The following DUSP22 variants were observed in gnomAD, a reference collection of about 807,000 sequenced individuals.
DUSP22 encodes the protein dual specificity protein phosphatase 22.
A neutral mutation model predicts 24.5 loss-of-function variants in DUSP22; 24 were observed. The observed-to-expected ratio is 0.98, with a 90% confidence interval of 0.71 to 1.38. The LOEUF (loss-of-function observed/expected upper bound fraction) is 1.38, where lower values mean the gene tolerates loss of function less well. DUSP22 is among the 40% of genes most tolerant of loss of function. The probability of loss-of-function intolerance (pLI) is 0.00; values close to 1 mark genes in which losing one functional copy is unlikely to be tolerated. For synonymous variants in DUSP22, 160 were observed against 106.4 expected, an observed-to-expected ratio of 1.50 and a Z score of -3.10; for missense variants, 330 against 269.2, an observed-to-expected ratio of 1.23 and a Z score of -1.58.
intron 5 of DUSP22, 58 bp from the exon 6 acceptor site, chr6:348,045 G>A (rs1759966383): frequency 1.9e-6 from 3 of 1,602,136 alleles, no homozygotes; most frequent in South Asian, 1.1e-5. Context: ...CATGGATTGG[G>A]CGATGAACCC....
chr6:307,107 C>G (rs1202794084), intron 2 of DUSP22, among the ~76,000 whole-genome samples: 1 of 152,418 alleles, frequency 6.6e-6, no homozygotes, highest in South Asian at 2.1e-4. Context: ...TTTCTTTTTT[C>G]CTGGGCGGTG....
At chr6:334,967 TGCAGTTCCTTG>T (rs1759297183) in intron 3 of DUSP22, 136 bp from the exon 4 acceptor site, 1 of 940,426 alleles carries the variant, frequency 1.1e-6, no homozygotes, top group Non-Finnish European at 1.6e-6. Flanking sequence ...TTAGTTTTTC[TGCAGTTCCTTG>T]GCAACAAAAG....
At chr6:341,240 T>C (rs1176282344) in intron 4 of DUSP22, among the ~76,000 whole-genome samples, 1 of 152,302 alleles carries the variant, frequency 6.6e-6, no homozygotes, top group Non-Finnish European at 1.5e-5. Context: ...CTGAGCCTAT[T>C]CCACACGGCT....
chr6:327,647 G>A (rs1390211798), intron 3 of DUSP22, among the ~76,000 whole-genome samples: 2 of 152,310 alleles, frequency 1.3e-5, no homozygotes, highest in South Asian at 2.1e-4. Context: ...TGTGCTGCTG[G>A]TGGTGTGGGG....
chr6:302,504 G>A (rs1427234866), intron 1 of DUSP22, among the ~76,000 whole-genome samples: 1 of 152,308 alleles, frequency 6.6e-6, no homozygotes, highest in African/African-American at 2.4e-5. Flanking sequence ...ACTGTCCCCA[G>A]GAAGCCCTCT....
At chr6:305,088 A>G (rs1416384415) in intron 2 of DUSP22, among the ~76,000 whole-genome samples, 2 of 152,294 alleles carry the variant, frequency 1.3e-5, no homozygotes, top group African/African-American at 4.8e-5. Context: ...GCTTCCATTT[A>G]TTTGTTCGTG....
chr6:327,636 G>C (rs1317958416), intron 3 of DUSP22, among the ~76,000 whole-genome samples: 2 of 152,424 alleles, frequency 1.3e-5, no homozygotes, highest in African/African-American at 4.8e-5. Flanking sequence ...CCATGCGCCT[G>C]TGTGCTGCTG....
chr6:331,675 T>A (rs1199576591), intron 3 of DUSP22, among the ~76,000 whole-genome samples: 1 of 152,308 alleles, frequency 6.6e-6, no homozygotes. Context: ...TCTGAATTAG[T>A]AATTAACTGT....
At position 301,892 on chromosome 6, in the gene DUSP22, G is replaced by A. The variant is rs1193467140; in HGVS notation, c.22-2736G>A. Among the ~76,000 whole-genome samples, 15 of 152,412 alleles carry A rather than the reference G, an allele frequency of 9.8e-5. No homozygotes were observed. In the East Asian group the frequency reaches 1.9e-3, roughly 20 times the overall value. On this transcript the variant is annotated intron_variant, in intron 1 of 6. Transcript: ENST00000419235. ...TTCTACAACATTAGAATGTAGAGAC[G>A]GTCTACTCTTATGCCCTCATTTAAT...
At chr6:304,605 G>A (rs766974988) in intron 1 of DUSP22, 23 bp from the exon 2 acceptor site, 4 of 1,614,222 alleles carry the variant, frequency 2.5e-6, no homozygotes, top group Non-Finnish European at 2.5e-6. Context: ...CCATGCTCAT[G>A]TCTGTGTCTG....
chr6:327,883 G>A (rs113233595), intron 3 of DUSP22, among the ~76,000 whole-genome samples: 1 of 152,310 alleles, frequency 6.6e-6, no homozygotes, highest in African/African-American at 2.4e-5. Flanking sequence ...AGTTTGAGGA[G>A]CGAGGGGTGG....
chr6:316,441 G>A (rs1450536412), intron 3 of DUSP22, among the ~76,000 whole-genome samples: 13 of 152,412 alleles, frequency 8.5e-5, no homozygotes, highest in Non-Finnish European at 1.3e-4. Context: ...TCAGGGAGTT[G>A]CCCCTGTGTG....
Position 304,617 on chromosome 6 carries a change from C to G in DUSP22, c.22-11C>G, listed in dbSNP as rs1255109700. 2.2e-5 allele frequency: 35 copies of G among 1,614,058 alleles called. No individual in the cohort carries two copies. Among genetic ancestry groups the G allele is most frequent in the Non-Finnish European group, 3.0e-5 (35 of 1,179,950 alleles). On this transcript the variant is annotated splice_polypyrimidine_tract_variant and intron_variant, in intron 1 of 6. Transcript: ENST00000419235. ...CTGCCATGCTCATGTCTGTGTCTGT[C>G]TCTCTCCTAGATCCTGCCCGGCCTG...
chr6:295,475 A>T (rs1294400165), intron 1 of DUSP22, among the ~76,000 whole-genome samples: 1 of 152,274 alleles, frequency 6.6e-6, no homozygotes, highest in Non-Finnish European at 1.5e-5. Context: ...AAAATTAAAG[A>T]TGAGGAAATA....
rs889065360 is a variant in DUSP22 at position 328,042 on chromosome 6, G to A, written c.139-7072G>A. 2.0e-5 allele frequency among the ~76,000 whole-genome samples: 3 copies of A among 152,308 alleles called. No individual in the cohort carries two copies. In the East Asian group the frequency reaches 5.8e-4, roughly 29 times the overall value. ...TGAGATGTGTGATCAGATAATGTTT[G>A]TAAGAGATAAATTTTTCCCTGGTGA... is the stretch of plus-strand genomic sequence containing the variant. On this transcript the variant is annotated intron_variant, in intron 3 of 6. Transcript: ENST00000419235.
intron 1 of DUSP22, among the ~76,000 whole-genome samples, chr6:302,647 A>G (rs1289453513): frequency 6.6e-6 from 1 of 152,308 alleles, no homozygotes; most frequent in African/African-American, 2.4e-5. Context: ...AGCCACTATG[A>G]TACGTTCTCT....
chr6:349,593 C>T lies in DUSP22; in HGVS notation c.*642C>T, dbSNP rs1219123848. ...GGTGGGGGCAACAGGGGCCAGACTC[C>T]TCTAGAGGGAGGGTGGCTCTGGGGC... is the stretch of plus-strand genomic sequence containing the variant. On this transcript the variant is annotated 3_prime_UTR_variant, in exon 7 of 7. Transcript: ENST00000419235. 1.0e-6 allele frequency: 1 copy of T among 988,054 alleles called. No homozygotes were observed. Among genetic ancestry groups the T allele is most frequent in the Non-Finnish European group, 1.2e-6 (1 of 831,986 alleles). The allele number at this position is 988,054 out of a possible 1,614,324, so 61.2% of individuals were successfully genotyped here.
chr6:334,619 T>C (rs1759281926), intron 3 of DUSP22, among the ~76,000 whole-genome samples: 1 of 152,306 alleles, frequency 6.6e-6, no homozygotes, highest in Non-Finnish European at 1.5e-5. Context: ...AAAGCTCGTA[T>C]TGGTGCGTCA....
rs1199927517 is a variant in DUSP22 at position 311,922 on chromosome 6, A to G, written c.98A>G (p.His33Arg). The G allele has an allele frequency of 1.2e-6, 2 of 1,613,002 alleles. No individual in the cohort carries two copies. The highest frequency in any genetic ancestry group is 1.7e-6 in the Non-Finnish European group (2 of 1,179,336). ...AEQLSKNKVT[H>R]ILSVHDSARP... ...CAATTGAGCAAGAACAAGGTGACAC[A>G]TATTCTGTCTGTCCACGATAGTGCC... Residue 33 changes from histidine (H) to arginine (R), a missense_variant, in exon 3 of 7, where the codon CAT becomes CGT. By Grantham distance (29) the His-to-Arg change is conservative. Transcript: ENST00000419235.
Sources: allele counts gnomAD v4.1 joint callset (sites outside exome capture counted in the v4.1 genomes callset), GRCh38; gene constraint gnomAD v4.1.1; transcripts MANE v1.5; gene names NCBI Gene and HGNC (gene_info 2026-07-23, HGNC 2026-07-21).